ETV1: variants seen among roughly 807,000 people sequenced by gnomAD.
The protein encoded by ETV1 is ETS translocation variant 1.
ETV1 carries 27 observed loss-of-function variants against 62.3 expected under a neutral mutation model. The observed-to-expected ratio is 0.43, with a 90% CI of 0.32 to 0.60. The LOEUF is 0.60. Among genes scored for constraint, ETV1 ranks in the 20% least tolerant of loss-of-function variants. The pLI is 0.06. For missense variants in ETV1, 605 were observed against 605.8 expected, an observed-to-expected ratio of 1.00 and a Z score of 0.01; for synonymous variants, 222 against 199.6, an observed-to-expected ratio of 1.11 and a Z score of -0.94.
At chr7:13,914,359 T>C (rs1783910281) in intron 9 of ETV1, among the ~76,000 whole-genome samples, 1 of 152,134 alleles carries the variant, frequency 6.6e-6, no homozygotes, top group Admixed American at 6.5e-5. Context: ...CTATGACATA[T>C]TAGTACTGGC....
chr7:13,986,288 C>A, intron 5 of ETV1: 1 of 1,509,348 alleles, frequency 6.6e-7, no homozygotes, highest in South Asian at 1.3e-5. Flanking sequence ...CAGCCGGGTT[C>A]TGGCTCTAGG....
At chr7:13,958,450 T>C (rs2128479990) in intron 6 of ETV1, among the ~76,000 whole-genome samples, 1 of 152,332 alleles carries the variant, frequency 6.6e-6, no homozygotes, top group South Asian at 2.1e-4. Flanking sequence ...TTGTCCCAAC[T>C]TAATAGGCCC....
At chr7:13,920,589 G>C (rs1343404521) in intron 9 of ETV1, among the ~76,000 whole-genome samples, 1 of 152,142 alleles carries the variant, frequency 6.6e-6, no homozygotes, top group Non-Finnish European at 1.5e-5. Context: ...AAACTGGTAT[G>C]ATTGGTTTAA....
chr7:13,947,677 T>G (rs2128468468), intron 6 of ETV1, among the ~76,000 whole-genome samples: 1 of 152,368 alleles, frequency 6.6e-6, no homozygotes, highest in Non-Finnish European at 1.5e-5. Context: ...CAGACACTCA[T>G]TATTTCCTTC....
At chr7:13,979,067 T>C (rs1781727631) in intron 5 of ETV1, among the ~76,000 whole-genome samples, 1 of 152,122 alleles carries the variant, frequency 6.6e-6, no homozygotes, top group Non-Finnish European at 1.5e-5. Flanking sequence ...CTCCAATATC[T>C]GATACTGTGG....
chr7:13,916,815 C>T (rs1324482737), intron 9 of ETV1, among the ~76,000 whole-genome samples: 2 of 151,788 alleles, frequency 1.3e-5, no homozygotes, highest in Non-Finnish European at 2.9e-5. Context: ...ACCTGTAGTG[C>T]CAGCTACTCA....
chr7:13,966,154 T>A (rs1383167140), intron 6 of ETV1, among the ~76,000 whole-genome samples: 1 of 152,208 alleles, frequency 6.6e-6, no homozygotes, highest in Admixed American at 6.5e-5. Context: ...GACAATACTC[T>A]GTAAATAGTA....
rs1389712732 is a variant in ETV1, at chr7:13,892,171, A to C, written c.*3695T>G. Reference sequence around the variant, plus strand: ...AAATGATAAGATCACATAGTAACCCATATTAACACCAAAAGAAATGTATTA... The same window carrying C: ...AAATGATAAGATCACATAGTAACCCCTATTAACACCAAAAGAAATGTATTA... On this transcript the variant is annotated 3_prime_UTR_variant, in exon 14 of 14. Coordinates refer to ENST00000430479, the MANE Select transcript of ETV1 (RefSeq NM_004956.5). 4.3e-6 allele frequency: 1 copy of C among 232,468 alleles called. No homozygotes were observed. Among genetic ancestry groups the C allele is most frequent in the Non-Finnish European group, 8.5e-6 (1 of 117,664 alleles). The allele number at this position is 232,468 out of a possible 1,614,324, so 14.4% of individuals were successfully genotyped here. A position where few individuals can be genotyped will look rare whatever the true frequency, so the allele number is the denominator to read the frequency against.
At chr7:13,909,754 AC>A in intron 10 of ETV1, 54 bp from the exon 11 acceptor site, 1 of 1,388,346 alleles carries the variant, frequency 7.2e-7, no homozygotes, top group East Asian at 2.3e-5. Context: ...GCTCACAAAC[AC>A]TTAAAATATA....
chr7:13,907,584 C>G (rs1268957707), intron 11 of ETV1, among the ~76,000 whole-genome samples: 1 of 152,046 alleles, frequency 6.6e-6, no homozygotes, highest in African/African-American at 2.4e-5. Context: ...TGATTATTTA[C>G]TTCCATCTCC....
At chr7:13,915,699 C>T (rs3801091) in intron 9 of ETV1, among the ~76,000 whole-genome samples, 11,521 of 152,106 alleles carry the variant, frequency 0.076, 502 homozygotes, top group Middle Eastern at 0.16. Flanking sequence ...AAATTGAGTG[C>T]ACTCAATTGA....
At chr7:13,944,020 G>C (rs1025373347) in intron 6 of ETV1, among the ~76,000 whole-genome samples, 1 of 152,086 alleles carries the variant, frequency 6.6e-6, no homozygotes, top group African/African-American at 2.4e-5. Flanking sequence ...AGGGTGGAGA[G>C]GAATGGCATG....
rs777112445 is a variant in ETV1, at chr7:13,986,688, A to G, written c.134-3T>C. 1.1e-5 allele frequency: 17 copies of G among 1,607,628 alleles called. No individual in the cohort carries two copies. In the South Asian group the frequency reaches 1.8e-4, roughly 17 times the overall value. On this transcript the variant is annotated splice_region_variant and splice_polypyrimidine_tract_variant and intron_variant, in intron 4 of 13. Coordinates refer to ENST00000430479, the MANE Select transcript of ETV1 (RefSeq NM_004956.5). ...TTGACTTAGATCTTGAAAGAGTTCT[A>G]AAAAACAAGTCAAAGACATAAACAT...
chr7:13,942,496 T>C (rs1787671647), intron 6 of ETV1, among the ~76,000 whole-genome samples: 1 of 152,162 alleles, frequency 6.6e-6, no homozygotes, highest in African/African-American at 2.4e-5. Context: ...GTACAGATTA[T>C]TTCATCACCC....
At chr7:13,973,554 T>C (rs1230409263) in intron 6 of ETV1, among the ~76,000 whole-genome samples, 4 of 152,244 alleles carry the variant, frequency 2.6e-5, no homozygotes, top group Admixed American at 2.6e-4. Context: ...CTCTTGTCCT[T>C]TCTTCGGTGA....
At chr7:13,973,854 C>T (rs1781143368) in intron 6 of ETV1, among the ~76,000 whole-genome samples, 1 of 152,052 alleles carries the variant, frequency 6.6e-6, no homozygotes, top group Non-Finnish European at 1.5e-5. Context: ...TGAGACTATA[C>T]GTGCAGTTTT....
At chr7:13,959,882 C>CAAAAAAAA (rs35605197) in intron 6 of ETV1, among the ~76,000 whole-genome samples, 2 of 56,710 alleles carry the variant, frequency 3.5e-5, no homozygotes, top group African/African-American at 8.3e-5. Context: ...GATTCTGTCT[C>CAAAAAAAA]AAAAAAAAAA....
chr7:13,906,372 T>C (rs937462195), intron 12 of ETV1, 58 bp downstream of exon 12: 7 of 1,151,056 alleles, frequency 6.1e-6, no homozygotes, highest in Non-Finnish European at 8.2e-6. Flanking sequence ...ATCAAATGTG[T>C]CAGTTTCTTT....
chr7:13,950,899 AACACACACACAC>A lies in ETV1; in HGVS notation c.236-11665_236-11654del, dbSNP rs67539493. 2.3e-3 allele frequency among the ~76,000 whole-genome samples: 313 copies of A among 138,704 alleles called. 1 individual carries two copies. The highest frequency in any genetic ancestry group is 3.5e-3 in the Middle Eastern group (1 of 282). 91.0% of individuals were successfully genotyped at this position (138,704 alleles called of 152,430 possible). ...AATCCAAACTGCTGGCTTCTCTAGG[AACACACACACAC>A]ACACACACACACACACACACACACA... is the stretch of plus-strand genomic sequence containing the variant. On this transcript the variant is annotated intron_variant, in intron 6 of 13. Coordinates refer to ENST00000430479, the MANE Select transcript of ETV1 (RefSeq NM_004956.5).
Sources: gnomAD v4.1 joint callset for allele counts (sites outside exome capture counted in the v4.1 genomes callset) on GRCh38, gnomAD v4.1.1 for gene constraint, MANE v1.5 for transcripts, NCBI Gene and HGNC (gene_info 2026-07-23, HGNC 2026-07-21) for gene names.